Variants in ST7 observed in about 807,000 individuals in gnomAD.
The protein encoded by ST7 is suppressor of tumorigenicity 7 protein.
In ST7, 28 loss-of-function variants were observed where a neutral mutation model predicts 78.7. The observed-to-expected ratio is 0.36, with a 90% CI of 0.26 to 0.49. ST7 has a LOEUF of 0.49. Among genes scored for constraint, ST7 ranks in the 20% least tolerant of loss-of-function variants. The probability of loss-of-function intolerance (pLI) is 0.99; values close to 1 mark genes in which losing one functional copy is unlikely to be tolerated. For synonymous variants in ST7, 247 were observed against 249.6 expected, an observed-to-expected ratio of 0.99 and a Z score of 0.10; for missense variants, 418 against 696.0, an observed-to-expected ratio of 0.60 and a Z score of 4.49.
Position 117,219,820 on chromosome 7 carries a change from G to A in ST7, c.1498+644G>A, listed in dbSNP as rs764076697. On this transcript the variant is annotated intron_variant, in intron 14 of 15. Transcript: ENST00000323984. The surrounding 1 kb of genome is among the most constrained non-coding windows in gnomAD (Gnocchi z 5.1). ...GCCCTCGACTACCTTACACTTGCTA[G>A]CAGTCTAATGACCCATACCACATGT... 6.6e-6 allele frequency among the ~76,000 whole-genome samples: 1 copy of A among 152,244 alleles called. No homozygotes were observed. The highest frequency in any genetic ancestry group is 1.5e-5 in the Non-Finnish European group (1 of 68,048).
At chr7:117,101,006 A>G (rs1176595268) in intron 2 of ST7, among the ~76,000 whole-genome samples, 2 of 152,208 alleles carry the variant, frequency 1.3e-5, no homozygotes, top group Non-Finnish European at 2.9e-5. Flanking sequence ...AAGAGCATAA[A>G]TGGACCTAGA....
chr7:116,999,436 A>G (rs1222516791), intron 1 of ST7, among the ~76,000 whole-genome samples: 1 of 152,218 alleles, frequency 6.6e-6, no homozygotes, highest in Non-Finnish European at 1.5e-5. Flanking sequence ...TGCACAAACA[A>G]CAAACCCTAT....
At chr7:117,108,712 C>A (rs1802175593) in intron 2 of ST7, among the ~76,000 whole-genome samples, 1 of 152,108 alleles carries the variant, frequency 6.6e-6, no homozygotes, top group Non-Finnish European at 1.5e-5. Flanking sequence ...GTTGATTCTA[C>A]CCATCCATGA....
chr7:117,043,592 C>T (rs1027029251), intron 1 of ST7, among the ~76,000 whole-genome samples: 5 of 152,154 alleles, frequency 3.3e-5, no homozygotes, highest in African/African-American at 1.2e-4. Context: ...GTTTAATTGC[C>T]TTTAACCAAT....
At chr7:116,972,935 C>A (rs143256498) in intron 1 of ST7, 5 of 1,253,674 alleles carry the variant, frequency 4.0e-6, no homozygotes, top group African/African-American at 1.5e-5. Context: ...CTACTGCTCG[C>A]ACTCCGATTC....
At chr7:117,180,619 A>G (rs923466618) in intron 10 of ST7, among the ~76,000 whole-genome samples, 7 of 152,338 alleles carry the variant, frequency 4.6e-5, no homozygotes, top group African/African-American at 1.2e-4. Flanking sequence ...TGAAACAAAC[A>G]AAAGTAACAA....
rs1332912083 is a variant in ST7, at chr7:117,087,495, T to A, written c.152-12267T>A. Among the ~76,000 whole-genome samples, 3 of 152,130 alleles carry A rather than the reference T, an allele frequency of 2.0e-5. No homozygotes were observed. The South Asian group carries it at 6.2e-4, about 32-fold the overall frequency. On this transcript the variant is annotated intron_variant, in intron 1 of 15. Transcript: ENST00000323984. ...TTAACCATACATACATCTTTAAAAG[T>A]TTGGTGTAAGAATGAACCAGTATTA...
intron 10 of ST7, among the ~76,000 whole-genome samples, chr7:117,171,824 A>G (rs1214957257): frequency 1.3e-5 from 2 of 152,096 alleles, no homozygotes; most frequent in East Asian, 1.9e-4. Flanking sequence ...ATTACTTATT[A>G]TATAATCATT....
intron 3 of ST7, 64 bp downstream of exon 3, chr7:117,119,784 CATACTA>C: frequency 6.5e-7 from 1 of 1,535,320 alleles, no homozygotes; most frequent in Non-Finnish European, 8.9e-7. Flanking sequence ...TATTGTTACT[CATACTA>C]AGAGATTAAG....
Position 117,214,291 on chromosome 7 carries a change from C to G in ST7, c.1405+4354C>G, listed in dbSNP as rs191774838. On this transcript the variant is annotated intron_variant, in intron 13 of 15. Coordinates refer to ENST00000323984, the MANE Select transcript of ST7 (RefSeq NM_001369598.1). ...ACTCTTTATTTTCTTTTTAGAGATC[C>G]CCCCGCCCCAAAGAATCCACTAAAT... is the stretch of plus-strand genomic sequence containing the variant. Among the ~76,000 whole-genome samples, 5 of 151,942 alleles carry G rather than the reference C, an allele frequency of 3.3e-5. No homozygotes were observed. In the East Asian group the frequency reaches 9.7e-4, roughly 29 times the overall value.
At chr7:117,042,705 T>C (rs773814608) in intron 1 of ST7, among the ~76,000 whole-genome samples, 8 of 152,162 alleles carry the variant, frequency 5.3e-5, no homozygotes, top group Non-Finnish European at 8.8e-5. Flanking sequence ...CATTTATGGC[T>C]TTTGTTTTGT....
At chr7:117,085,804 A>G (rs541611986) in intron 1 of ST7, among the ~76,000 whole-genome samples, 1 of 152,360 alleles carries the variant, frequency 6.6e-6, no homozygotes, top group African/African-American at 2.4e-5. Context: ...ATTAAAAGAA[A>G]AGGGAAGAAT....
At chr7:117,042,941 A>G (rs1317793424) in intron 1 of ST7, among the ~76,000 whole-genome samples, 1 of 152,096 alleles carries the variant, frequency 6.6e-6, no homozygotes, top group Admixed American at 6.6e-5. Context: ...CACTCTATAT[A>G]TATTCTTTCA....
At chr7:117,019,418 A>C (rs557958794) in intron 1 of ST7, among the ~76,000 whole-genome samples, 2 of 152,174 alleles carry the variant, frequency 1.3e-5, no homozygotes, top group Non-Finnish European at 2.9e-5. Context: ...ATTTTCAATT[A>C]TTTCTTTGTG....
At chr7:116,976,832 A>G (rs1160419538) in intron 1 of ST7, among the ~76,000 whole-genome samples, 2 of 152,356 alleles carry the variant, frequency 1.3e-5, no homozygotes, top group East Asian at 1.9e-4. Flanking sequence ...GTTTCTCAAC[A>G]TCTTCACTAG....
intron 12 of ST7, chr7:117,198,264 T>C (rs1166536072): frequency 2.2e-6 from 1 of 452,738 alleles, no homozygotes; most frequent in Non-Finnish European, 4.4e-6. Flanking sequence ...TCAGTACATG[T>C]TGGCCCCTTC....
At chr7:117,109,210 A>T (rs761286887) in intron 2 of ST7, among the ~76,000 whole-genome samples, 5 of 152,220 alleles carry the variant, frequency 3.3e-5, no homozygotes, top group Non-Finnish European at 7.3e-5. Context: ...TTCCTCGTTC[A>T]GTATAATGTT....
chr7:117,067,845 C>G (rs1798722071), intron 1 of ST7, among the ~76,000 whole-genome samples: 1 of 152,154 alleles, frequency 6.6e-6, no homozygotes, highest in African/African-American at 2.4e-5. Context: ...AAGGATGCTT[C>G]CCTTAAATTC....
chr7:117,075,372 A>G (rs1799266840), intron 1 of ST7, among the ~76,000 whole-genome samples: 1 of 152,134 alleles, frequency 6.6e-6, no homozygotes, highest in Non-Finnish European at 1.5e-5. Context: ...GAAATAAAGG[A>G]GTGGAGGTAG....
Sources: gnomAD v4.1 joint callset for allele counts (sites outside exome capture counted in the v4.1 genomes callset) on GRCh38, gnomAD v4.1.1 for gene constraint, Gnocchi (gnomAD v3.1) non-coding constraint, MANE v1.5 for transcripts, NCBI Gene and HGNC (gene_info 2026-07-23, HGNC 2026-07-21) for gene names.